The following CERKL variants were observed in gnomAD, a reference collection of about 807,000 sequenced individuals.
CERKL encodes the protein ceramide kinase-like protein.
CERKL carries 61 observed loss-of-function variants against 63.4 expected under a neutral mutation model. That is an observed-to-expected ratio of 0.96 (90% CI 0.78 to 1.19). The LOEUF is 1.19. Among genes scored for constraint, CERKL ranks in the 50% most tolerant of loss-of-function variants. The pLI is 0.00. For missense variants in CERKL, 675 were observed against 655.5 expected (o/e 1.03, Z -0.33); for synonymous variants, 250 against 230.5 (o/e 1.08, Z -0.77).
chr2:181,591,163 C>T (rs936195980), intron 2 of CERKL, among the ~76,000 whole-genome samples: 11 of 152,090 alleles, frequency 7.2e-5, no homozygotes, highest in East Asian at 1.9e-4. Flanking sequence ...ACATACTGAA[C>T]GTTACTTTCT....
intron 1 of CERKL, among the ~76,000 whole-genome samples, chr2:181,623,675 A>C (rs1466557133): frequency 6.6e-6 from 1 of 152,224 alleles, no homozygotes; most frequent in Non-Finnish European, 1.5e-5. Context: ...GAACAAAATA[A>C]GGGAGCATGC....
At chr2:181,640,169 T>C (rs1170884102) in intron 1 of CERKL, among the ~76,000 whole-genome samples, 1 of 152,174 alleles carries the variant, frequency 6.6e-6, no homozygotes, top group Non-Finnish European at 1.5e-5. Context: ...TTTCCTCATA[T>C]TCTGGTTTGC....
At chr2:181,545,316 G>T (rs1428047127) in intron 10 of CERKL, among the ~76,000 whole-genome samples, 1 of 152,096 alleles carries the variant, frequency 6.6e-6, no homozygotes, top group Non-Finnish European at 1.5e-5. Flanking sequence ...AACAAATGCT[G>T]CCACACATGT....
chr2:181,624,565 C>A (rs1004237418), intron 1 of CERKL, among the ~76,000 whole-genome samples: 1 of 152,062 alleles, frequency 6.6e-6, no homozygotes. Context: ...ACATGGAGAA[C>A]AGACTGATGG....
At chr2:181,611,962 A>T (rs544952408) in intron 1 of CERKL, among the ~76,000 whole-genome samples, 66 of 152,202 alleles carry the variant, frequency 4.3e-4, no homozygotes, top group African/African-American at 1.6e-3. Flanking sequence ...AAATTTAAAA[A>T]TTTCCATTCT....
At chr2:181,568,710 G>A (rs1424433558) in intron 3 of CERKL, among the ~76,000 whole-genome samples, 1 of 140,354 alleles carries the variant, frequency 7.1e-6, no homozygotes, top group East Asian at 2.1e-4. Context: ...ATACTTTTAA[G>A]TTTTAGGGTA....
At chr2:181,555,500 A>C (rs1204166950) in intron 5 of CERKL, among the ~76,000 whole-genome samples, 2 of 152,118 alleles carry the variant, frequency 1.3e-5, no homozygotes, top group Non-Finnish European at 2.9e-5. Flanking sequence ...CTCCTTTTAA[A>C]TTCTGACTTT....
Position 181,536,781 on chromosome 2 carries a change from ATATTTATTT to A in CERKL, c.*1394_*1402del. 4.1e-6 allele frequency: 1 copy of A among 244,802 alleles called. No individual in the cohort carries two copies. Among genetic ancestry groups the A allele is most frequent in the South Asian group, 4.7e-5 (1 of 21,124 alleles). 15.2% of individuals were successfully genotyped at this position (244,802 alleles called of 1,614,324 possible). A position where few individuals can be genotyped will look rare whatever the true frequency, so the allele number is the denominator to read the frequency against. Reference sequence around the variant, plus strand: ...TTCTTTAAATACAATCATTTTTGTAATATTTATTTTATGCTTATGATCTAGATAATTGCA... The same window carrying A: ...TTCTTTAAATACAATCATTTTTGTAATATGCTTATGATCTAGATAATTGCA... On this transcript the variant is annotated 3_prime_UTR_variant, in exon 13 of 13. Coordinates refer to ENST00000410087, the MANE Select transcript of CERKL (RefSeq NM_201548.5).
chr2:181,594,787 C>T (rs1274876874), intron 2 of CERKL, among the ~76,000 whole-genome samples: 1 of 152,076 alleles, frequency 6.6e-6, no homozygotes, highest in Non-Finnish European at 1.5e-5. Context: ...AAAACTATTA[C>T]CAGAATGCTT....
intron 1 of CERKL, among the ~76,000 whole-genome samples, chr2:181,621,886 A>T (rs574023637): frequency 4.1e-4 from 63 of 152,320 alleles, no homozygotes; most frequent in Non-Finnish European, 6.9e-4. Context: ...ACTGCATCAA[A>T]CCTTAATTTC....
chr2:181,583,083 C>T (rs1684600253), intron 2 of CERKL, among the ~76,000 whole-genome samples: 1 of 151,458 alleles, frequency 6.6e-6, no homozygotes. Context: ...TTAATATGCG[C>T]TATATTTCTG....
intron 3 of CERKL, among the ~76,000 whole-genome samples, chr2:181,571,685 G>T (rs1688908886): frequency 1.3e-5 from 2 of 152,030 alleles, no homozygotes; most frequent in Admixed American, 1.3e-4. Flanking sequence ...ATACATTGTT[G>T]AGAGCCTTCC....
In CERKL at chr2:181,657,081, C is replaced by G. The variant is rs1373991062; in HGVS notation, c.-75G>C. On this transcript the variant is annotated 5_prime_UTR_variant, in exon 1 of 13. Transcript: ENST00000410087. ...AGAAGGAGGTGGAGGGCGCGGCAGCCCCAGCTCTAGCCGCGTCCAGCGCTG... is the reference window on the plus strand; with the variant it reads ...AGAAGGAGGTGGAGGGCGCGGCAGCGCCAGCTCTAGCCGCGTCCAGCGCTG... The G allele has an allele frequency of 1.5e-6, 2 of 1,354,166 alleles. No homozygotes were observed. The highest frequency in any genetic ancestry group is 2.0e-5 in the Admixed American group (1 of 51,000). The allele number at this position is 1,354,166 out of a possible 1,614,324, so 83.9% of individuals were successfully genotyped here.
In CERKL at chr2:181,547,630, G is replaced by C; in HGVS notation, c.1256C>G (p.Ala419Gly). The part of the protein sequence containing the change: ...CLCSVAPRGL[A>G]PNTRLNNGSM... ...AATGCTTACTAACCTGGTATTAGGT[G>C]CCAAGCCTCTAGGTGCCACTGAACA... is the stretch of plus-strand genomic sequence containing the variant. The change falls in exon 10 of 13, where the codon GCA becomes GGA. Residue 419 changes from alanine to glycine, a missense_variant. Transcript: ENST00000410087. The C allele has an allele frequency of 6.2e-7, 1 of 1,613,654 alleles. No individual in the cohort carries two copies. Among genetic ancestry groups the C allele is most frequent in the South Asian group, 1.1e-5 (1 of 91,066 alleles).
intron 2 of CERKL, among the ~76,000 whole-genome samples, chr2:181,577,939 G>A (rs1237940982): frequency 6.6e-6 from 1 of 152,086 alleles, no homozygotes; most frequent in Non-Finnish European, 1.5e-5. Flanking sequence ...GGAAGTCCTG[G>A]AATCTGAACC....
At chr2:181,592,835 A>T (rs1224556451) in intron 2 of CERKL, among the ~76,000 whole-genome samples, 2 of 152,218 alleles carry the variant, frequency 1.3e-5, no homozygotes, top group Non-Finnish European at 2.9e-5. Context: ...AACACAGTAC[A>T]TTCCATGACA....
At position 181,536,964 on chromosome 2, in the gene CERKL, C is replaced by G; in HGVS notation, c.*1220G>C. ...TATGAAGTCCCTGCCACTAGCCAGC[C>G]ATCCTAATTGATGAAAGTTATCTGT... is the stretch of plus-strand genomic sequence containing the variant. On this transcript the variant is annotated 3_prime_UTR_variant, in exon 13 of 13. Transcript: ENST00000410087. 2.2e-6 allele frequency: 1 copy of G among 452,678 alleles called. No individual in the cohort carries two copies. The highest frequency in any genetic ancestry group is 4.4e-6 in the Non-Finnish European group (1 of 226,346). The allele number at this position is 452,678 out of a possible 1,614,324, so 28.0% of individuals were successfully genotyped here.
At chr2:181,642,326 T>C (rs1198609654) in intron 1 of CERKL, among the ~76,000 whole-genome samples, 1 of 152,224 alleles carries the variant, frequency 6.6e-6, no homozygotes, top group Non-Finnish European at 1.5e-5. Context: ...CGGTATCCAT[T>C]TCACGTACAT....
intron 1 of CERKL, 58 bp downstream of exon 1, chr2:181,656,711 G>A: frequency 7.0e-7 from 1 of 1,432,328 alleles, no homozygotes; most frequent in Non-Finnish European, 9.4e-7. Context: ...TAGGCCTTGG[G>A]CCGGGGAGAG....
Sources: gnomAD v4.1 joint callset for allele counts (sites outside exome capture counted in the v4.1 genomes callset) on GRCh38, gnomAD v4.1.1 for gene constraint, MANE v1.5 for transcripts, NCBI Gene and HGNC (gene_info 2026-07-23, HGNC 2026-07-21) for gene names.